OPHN1: variants seen among roughly 807,000 people sequenced by gnomAD.
OPHN1 encodes the protein oligophrenin 1, also known as oligophrenin-1.
Under a neutral mutation model 60.7 loss-of-function variants are expected in OPHN1, and 11 were observed. The ratio of observed to expected loss-of-function variants is 0.18; its 90% CI spans 0.11 to 0.30. The LOEUF (loss-of-function observed/expected upper bound fraction) is 0.30. Ranked by LOEUF, OPHN1 falls within the 10% of genes least tolerant of loss-of-function variation. The probability of loss-of-function intolerance (pLI) is 1.00; values close to 1 mark genes in which losing one functional copy is unlikely to be tolerated. For synonymous variants in OPHN1, 226 were observed against 222.6 expected (o/e 1.02, Z -0.14); for missense variants, 449 against 611.0 (o/e 0.73, Z 2.80).
chrX:68,158,980 GGT>G (rs1406697751), intron 15 of OPHN1, among the ~76,000 whole-genome samples: 4 of 111,437 alleles, frequency 3.6e-5, no homozygotes, highest in African/African-American at 1.3e-4. Context: ...GAAGACCACG[GGT>G]TACTGTTTTT....
At chrX:68,399,668 AAAAT>A (rs972011142) in intron 2 of OPHN1, among the ~76,000 whole-genome samples, 4 of 65,967 alleles carry the variant, frequency 6.1e-5, no homozygotes, top group Admixed American at 2.0e-4. Flanking sequence ...ACTCTGTCTC[AAAAT>A]AAATAAATAA....
intron 2 of OPHN1, among the ~76,000 whole-genome samples, chrX:68,393,230 A>G (rs757355282): frequency 8.9e-6 from 1 of 112,425 alleles, no homozygotes; most frequent in Non-Finnish European, 1.9e-5. Flanking sequence ...TTTCAACTGC[A>G]CTCCAGTCTG....
At chrX:68,240,701 T>G (rs1012982930) in intron 5 of OPHN1, among the ~76,000 whole-genome samples, 4 of 112,165 alleles carry the variant, frequency 3.6e-5, no homozygotes, top group Non-Finnish European at 7.5e-5. Context: ...CTCTACCATT[T>G]TTTATTGTTA....
intron 15 of OPHN1, among the ~76,000 whole-genome samples, chrX:68,189,434 C>CTG (rs2077477853): frequency 9.1e-6 from 1 of 110,292 alleles, no homozygotes; most frequent in Non-Finnish European, 1.9e-5. Context: ...TATACATGTG[C>CTG]CATCTTGGTG....
chrX:68,136,203 G>T (rs2147469023), intron 15 of OPHN1, among the ~76,000 whole-genome samples: 1 of 106,759 alleles, frequency 9.4e-6, no homozygotes, highest in East Asian at 2.9e-4. Context: ...GTATAACAAA[G>T]AAACAAAGGC....
intron 18 of OPHN1, among the ~76,000 whole-genome samples, chrX:68,107,471 T>C (rs984863455): frequency 8.9e-6 from 1 of 111,891 alleles, no homozygotes; most frequent in Non-Finnish European, 1.9e-5. Flanking sequence ...ACAGTTAATG[T>C]TTTATAATTT....
At chrX:68,175,273 A>C (rs1256510507) in intron 15 of OPHN1, among the ~76,000 whole-genome samples, 4 of 111,169 alleles carry the variant, frequency 3.6e-5, no homozygotes, top group African/African-American at 9.8e-5. Flanking sequence ...CTTTAAGTAT[A>C]TTTTTTAAAA....
At chrX:68,352,165 G>A (rs2078416697) in intron 2 of OPHN1, among the ~76,000 whole-genome samples, 2 of 109,480 alleles carry the variant, frequency 1.8e-5, no homozygotes, top group Admixed American at 2.0e-4. Flanking sequence ...GAGCCGCCAC[G>A]CCCAGCCAGA....
chrX:68,113,933 G>A (rs1354602316), intron 16 of OPHN1, among the ~76,000 whole-genome samples: 3 of 103,701 alleles, frequency 2.9e-5, no homozygotes, highest in Non-Finnish European at 5.9e-5. Context: ...CCTGCACATT[G>A]TGCACATGTA....
chrX:68,372,072 G>A (rs1471873305), intron 2 of OPHN1, among the ~76,000 whole-genome samples: 1 of 112,395 alleles, frequency 8.9e-6, no homozygotes, highest in East Asian at 2.8e-4. Context: ...AGTGACACAT[G>A]ACTGTATATG....
At chrX:68,354,338 G>C (rs1367106064) in intron 2 of OPHN1, among the ~76,000 whole-genome samples, 4 of 104,832 alleles carry the variant, frequency 3.8e-5, no homozygotes, top group Non-Finnish European at 5.8e-5. Context: ...CCAGCTACTC[G>C]GGAGACCGAG....
chrX:68,132,180 C>T (rs1423256855), intron 15 of OPHN1, among the ~76,000 whole-genome samples: 1 of 110,003 alleles, frequency 9.1e-6, no homozygotes, highest in Non-Finnish European at 1.9e-5. Flanking sequence ...ACCATTTGAC[C>T]CAGCCATCCC....
chrX:68,129,334 A>G (rs1416013929), intron 15 of OPHN1, among the ~76,000 whole-genome samples: 1 of 110,971 alleles, frequency 9.0e-6, no homozygotes. Context: ...CAGGTACCAA[A>G]CTGCATGAGA....
chrX:68,381,968 T>G (rs765066007), intron 2 of OPHN1, among the ~76,000 whole-genome samples: 1 of 111,818 alleles, frequency 8.9e-6, no homozygotes, highest in African/African-American at 3.2e-5. Context: ...AATCTCAAAT[T>G]ATAGTTCATG....
intron 11 of OPHN1, among the ~76,000 whole-genome samples, chrX:68,200,031 A>G (rs1355103406): frequency 8.9e-6 from 1 of 112,469 alleles, no homozygotes. Context: ...TGGGCAAGAG[A>G]GAGAGACACC....
At chrX:68,419,685 T>C (rs1244465851) in intron 2 of OPHN1, among the ~76,000 whole-genome samples, 1 of 108,847 alleles carries the variant, frequency 9.2e-6, no homozygotes, top group Non-Finnish European at 1.9e-5. Context: ...AGATTACAAG[T>C]GAGCGCCACC....
intron 15 of OPHN1, among the ~76,000 whole-genome samples, chrX:68,177,238 A>G (rs889011132): frequency 7.2e-5 from 8 of 110,541 alleles, no homozygotes; most frequent in African/African-American, 2.6e-4. Flanking sequence ...GAAAGTTGTT[A>G]ATGTTGTACA....
At chrX:68,113,342 T>C in intron 16 of OPHN1, 103 bp from the exon 17 acceptor site, 1 of 610,041 alleles carries the variant, frequency 1.6e-6, no homozygotes, top group Non-Finnish European at 2.7e-6. Flanking sequence ...GCCCTACAGC[T>C]TAGTGGGATT....
At position 68,190,545 on chromosome X, in the gene OPHN1, T is replaced by C. The variant is rs943725835; in HGVS notation, c.1276+2374A>G. Among the ~76,000 whole-genome samples the C allele has an allele frequency of 6.2e-4, 69 of 112,092 alleles. 1 individual carries two copies. The highest frequency in any genetic ancestry group is 2.1e-3 in the African/African-American group (64 of 30,928). On this transcript the variant is annotated intron_variant, in intron 15 of 24. Coordinates refer to ENST00000355520, the MANE Select transcript of OPHN1 (RefSeq NM_002547.3). ...AGAGTTAATATTTGGAGGATGGTTT[T>C]GAATAAATGAAATACACCAACTCTA...
Sources: allele counts gnomAD v4.1 joint callset (sites outside exome capture counted in the v4.1 genomes callset), GRCh38; gene constraint gnomAD v4.1.1; transcripts MANE v1.5; gene names NCBI Gene and HGNC (gene_info 2026-07-23, HGNC 2026-07-21).